Variants in FOXP1 observed in about 807,000 individuals in gnomAD.
The protein encoded by FOXP1 is forkhead box protein P1.
A neutral mutation model predicts 98.2 loss-of-function variants in FOXP1; 15 were observed. The ratio of observed to expected loss-of-function variants is 0.15; its 90% CI spans 0.10 to 0.24. The LOEUF is 0.24. Among genes scored for constraint, FOXP1 ranks in the 10% least tolerant of loss-of-function variants. The pLI, the probability that FOXP1 is intolerant of heterozygous loss-of-function variation, is 1.00. For missense variants in FOXP1, 633 were observed against 848.5 expected (o/e 0.75, Z 3.15); for synonymous variants, 371 against 314.5 (o/e 1.18, Z -1.90).
chr3:70,974,051 G>C (rs577809236), intron 17 of FOXP1, among the ~76,000 whole-genome samples: 1 of 152,008 alleles, frequency 6.6e-6, no homozygotes, highest in African/African-American at 2.4e-5. Context: ...TTAATGCATG[G>C]TGTGATGAAT....
At chr3:70,993,664 G>C (rs142041077) in intron 13 of FOXP1, among the ~76,000 whole-genome samples, 2 of 152,160 alleles carry the variant, frequency 1.3e-5, no homozygotes, top group Non-Finnish European at 2.9e-5. Context: ...CTCATTAAAT[G>C]TAAGACATAT....
intron 7 of FOXP1, among the ~76,000 whole-genome samples, chr3:71,058,042 C>T (rs75350138): frequency 8.1e-4 from 124 of 152,200 alleles, no homozygotes; most frequent in African/African-American, 1.7e-3. Context: ...TTTCCTTTAA[C>T]GCCCAATGGG....
chr3:71,425,138 C>G (rs2084035723), intron 3 of FOXP1, among the ~76,000 whole-genome samples: 1 of 151,530 alleles, frequency 6.6e-6, no homozygotes, highest in Non-Finnish European at 1.5e-5. Context: ...TTGTATGAGA[C>G]AGGGTCTCAC....
In FOXP1 at chr3:71,212,949, AATATAT is replaced by A. The variant is rs3033230; in HGVS notation, c.-11-14563_-11-14558del. On this transcript the variant is annotated intron_variant, in intron 5 of 20. Coordinates refer to ENST00000649528, the MANE Select transcript of FOXP1 (RefSeq NM_001349338.3). ...TGATGCTAAGGAATTACAAAATGGG[AATATAT>A]ATATATATATATATATATGAATGAA... 6.1e-3 allele frequency among the ~76,000 whole-genome samples: 895 copies of A among 147,792 alleles called. 15 individuals carry two copies. The highest frequency in any genetic ancestry group is 0.021 in the African/African-American group (828 of 40,250).
intron 4 of FOXP1, among the ~76,000 whole-genome samples, chr3:71,303,179 A>G (rs2073993923): frequency 6.6e-6 from 1 of 152,150 alleles, no homozygotes; most frequent in African/African-American, 2.4e-5. Flanking sequence ...AAAATAAATT[A>G]TCTGCATTAA....
chr3:71,577,944 C>A (rs979641251), intron 2 of FOXP1, among the ~76,000 whole-genome samples: 8 of 151,720 alleles, frequency 5.3e-5, no homozygotes, highest in African/African-American at 1.5e-4. Flanking sequence ...TTCAAAAAAA[C>A]ACATTTAAAA....
intron 13 of FOXP1, among the ~76,000 whole-genome samples, chr3:70,990,145 G>T (rs775582340): frequency 1.8e-4 from 27 of 152,128 alleles, no homozygotes; most frequent in Non-Finnish European, 2.6e-4. Flanking sequence ...TCTAAAAGAT[G>T]GACAAGGTTA....
chr3:71,109,865 C>T (rs913150207), intron 7 of FOXP1, among the ~76,000 whole-genome samples: 1 of 152,088 alleles, frequency 6.6e-6, no homozygotes, highest in African/African-American at 2.4e-5. Flanking sequence ...ACACACCAGT[C>T]CACCAACCTT....
chr3:71,414,695 C>G (rs935031842), intron 3 of FOXP1, among the ~76,000 whole-genome samples: 2 of 152,238 alleles, frequency 1.3e-5, no homozygotes, highest in African/African-American at 4.8e-5. Flanking sequence ...AAGCGGAGCC[C>G]TGGCCTCAAA....
intron 2 of FOXP1, among the ~76,000 whole-genome samples, chr3:71,574,960 C>G (rs1321453256): frequency 6.6e-6 from 1 of 152,174 alleles, no homozygotes; most frequent in African/African-American, 2.4e-5. Flanking sequence ...CAATGGCCAA[C>G]CAATTCAATT....
At chr3:70,978,728 T>TTCTATA (rs564948805) in intron 14 of FOXP1, among the ~76,000 whole-genome samples, 143 of 151,062 alleles carry the variant, frequency 9.5e-4, no homozygotes, top group African/African-American at 3.4e-3. Context: ...TGTCATTTGT[T>TTCTATA]TCTATCAATC....
intron 14 of FOXP1, among the ~76,000 whole-genome samples, chr3:70,979,440 T>C (rs189867881): frequency 1.2e-4 from 19 of 152,182 alleles, no homozygotes; most frequent in Admixed American, 1.2e-3. Context: ...AACAGAAATA[T>C]TATTTTACGT....
intron 6 of FOXP1, among the ~76,000 whole-genome samples, chr3:71,179,550 T>C (rs1309767471): frequency 6.6e-6 from 1 of 152,180 alleles, no homozygotes; most frequent in African/African-American, 2.4e-5. Flanking sequence ...CCCTTAAAAC[T>C]GTAAACACAC....
intron 4 of FOXP1, chr3:71,304,681 T>C (rs892102210): frequency 1.3e-5 from 2 of 152,214 alleles, no homozygotes; most frequent in African/African-American, 4.8e-5. Context: ...ATACTTACAA[T>C]TAGATAGAGT....
chr3:71,283,492 G>A (rs1255575250), intron 5 of FOXP1, among the ~76,000 whole-genome samples: 1 of 152,202 alleles, frequency 6.6e-6, no homozygotes, highest in African/African-American at 2.4e-5. Flanking sequence ...GGCTGGAGAG[G>A]ACAGGACCTA....
At chr3:71,306,423 G>A (rs1235214834) in intron 4 of FOXP1, among the ~76,000 whole-genome samples, 1 of 151,714 alleles carries the variant, frequency 6.6e-6, no homozygotes, top group East Asian at 1.9e-4. Flanking sequence ...TTAAACAATC[G>A]GTTTGTTTAG....
intron 4 of FOXP1, among the ~76,000 whole-genome samples, chr3:71,345,443 C>CACAT (rs1468039436): frequency 2.9e-4 from 35 of 122,746 alleles, no homozygotes; most frequent in African/African-American, 9.9e-4. Context: ...CACACACACA[C>CACAT]ATATATATAC....
At chr3:71,337,092 A>C (rs2076730506) in intron 4 of FOXP1, among the ~76,000 whole-genome samples, 1 of 152,240 alleles carries the variant, frequency 6.6e-6, no homozygotes. Flanking sequence ...ATGCACATGT[A>C]GGTGATCAAA....
chr3:71,258,706 T>C (rs1316902763), intron 5 of FOXP1, among the ~76,000 whole-genome samples: 3 of 152,124 alleles, frequency 2.0e-5, no homozygotes, highest in African/African-American at 2.4e-5. Flanking sequence ...AGGAGGGGAA[T>C]GGAGAAGAGA....
Sources: allele counts gnomAD v4.1 joint callset (sites outside exome capture counted in the v4.1 genomes callset), GRCh38; gene constraint gnomAD v4.1.1; transcripts MANE v1.5; gene names NCBI Gene and HGNC (gene_info 2026-07-23, HGNC 2026-07-21).